The following SEMA4A variants were observed in gnomAD, a reference collection of about 807,000 sequenced individuals.
SEMA4A encodes semaphorin 4A.
A neutral mutation model predicts 72.5 loss-of-function variants in SEMA4A; 52 were observed. The observed-to-expected ratio is 0.72, with a 90% CI of 0.57 to 0.90. The LOEUF (loss-of-function observed/expected upper bound fraction) is 0.90. SEMA4A is among the 40% of genes least tolerant of loss of function. SEMA4A has a pLI of 0.00. For missense variants in SEMA4A, 926 were observed against 959.7 expected (o/e 0.96, Z 0.46); for synonymous variants, 369 against 393.1 (o/e 0.94, Z 0.73).
chr1:156,151,387 G>C (rs1389199587), upstream of SEMA4A, among the ~76,000 whole-genome samples: 4 of 152,338 alleles, frequency 2.6e-5, no homozygotes, highest in East Asian at 7.7e-4. Flanking sequence ...TGGTGTGAGG[G>C]GTGCACTGCT....
Position 156,161,014 on chromosome 1 carries a change from G to A in SEMA4A, c.795G>A (p.Val265=), listed in dbSNP as rs1653560093. Residue 265 remains valine, a synonymous_variant, in exon 8 of 15, where the codon GTG becomes GTA. Coordinates refer to ENST00000368285, the MANE Select transcript of SEMA4A (RefSeq NM_022367.4). The part of the protein sequence containing the change: ...DFFERLHTSR[V]ARVCKNDVGG... Reference sequence around the variant, plus strand: ...TTGAGAGGCTCCACACATCGCGGGTGGCTAGAGTCTGCAAGGTCCGCGGCC... The same window carrying A: ...TTGAGAGGCTCCACACATCGCGGGTAGCTAGAGTCTGCAAGGTCCGCGGCC... 1.9e-6 allele frequency: 3 copies of A among 1,610,662 alleles called. No homozygotes were observed. The highest frequency in any genetic ancestry group is 2.5e-6 in the Non-Finnish European group (3 of 1,178,980).
rs1252248256 is a variant in SEMA4A at position 156,161,026 on chromosome 1, C to A, written c.807C>A (p.Cys269Ter). 1.1e-5 allele frequency: 17 copies of A among 1,609,058 alleles called. No homozygotes were observed. The highest frequency in any genetic ancestry group is 1.4e-5 in the Non-Finnish European group (17 of 1,178,718). ...ACACATCGCGGGTGGCTAGAGTCTGCAAGGTCCGCGGCCTGGGCGGGGGGC... is the reference window on the plus strand; with the variant it reads ...ACACATCGCGGGTGGCTAGAGTCTGAAAGGTCCGCGGCCTGGGCGGGGGGC... The part of the protein sequence containing the change: ...RLHTSRVARV[C>*]KNDVGGEKLL... Residue 269 changes from cysteine (C) to a stop codon, truncating the protein, a stop_gained, in exon 8 of 15, where the codon TGC becomes TGA. Transcript: ENST00000368285. LOFTEE classifies it high-confidence loss of function.
At chr1:156,165,512 A>T (rs1654070895) in intron 10 of SEMA4A, among the ~76,000 whole-genome samples, 1 of 152,158 alleles carries the variant, frequency 6.6e-6, no homozygotes, top group African/African-American at 2.4e-5. Context: ...GGTATACGTA[A>T]TTCTAGAATA....
At chr1:156,173,064 T>C in intron 11 of SEMA4A, 58 bp downstream of exon 11, 2 of 1,537,218 alleles carry the variant, frequency 1.3e-6, no homozygotes, top group South Asian at 1.1e-5. Context: ...TGCCCCCAGG[T>C]TGAGGAGGGA....
intron 10 of SEMA4A, among the ~76,000 whole-genome samples, chr1:156,169,033 C>G (rs139939536): frequency 6.6e-6 from 1 of 152,232 alleles, no homozygotes; most frequent in African/African-American, 2.4e-5. Context: ...GTTTTACTCT[C>G]TCTGGTGGAT....
chr1:156,170,735 C>T (rs2102993668), intron 10 of SEMA4A, among the ~76,000 whole-genome samples: 1 of 142,212 alleles, frequency 7.0e-6, no homozygotes, highest in South Asian at 2.2e-4. Context: ...GCCTGGGAGA[C>T]AGAGTGAGAC....
Position 156,156,523 on chromosome 1 carries a change from C to A in SEMA4A, c.249C>A (p.Ala83=), listed in dbSNP as rs1377891414. 3 of 1,613,930 alleles carry A rather than the reference C, an allele frequency of 1.9e-6. No homozygotes were observed. In the African/African-American group the frequency reaches 4.0e-5, roughly 22 times the overall value. The change falls in exon 3 of 15, where the codon GCC becomes GCA. Residue 83 remains alanine, a synonymous_variant. Transcript: ENST00000368285. The stretch of plus-strand genomic sequence containing the variant: ...CTCTCTACGTGGGGGCTCGAGAAGC[C>A]ATTCTGGCCTTGGATATCCAGGATC... ...GNTLYVGARE[A]ILALDIQDPG... is the part of the protein sequence containing the mutation.
intron 5 of SEMA4A, 62 bp from the exon 6 acceptor site, chr1:156,158,657 C>T (rs756018299): frequency 1.6e-4 from 234 of 1,419,042 alleles, no homozygotes; most frequent in Non-Finnish European, 2.3e-4. Flanking sequence ...CTTCCTCAAG[C>T]CCCTCATTTC....
intron 10 of SEMA4A, among the ~76,000 whole-genome samples, chr1:156,165,284 C>G (rs1052361504): frequency 6.6e-6 from 1 of 152,192 alleles, no homozygotes; most frequent in Non-Finnish European, 1.5e-5. Context: ...CCTGCCTCAT[C>G]ATTCTGGGGA....
upstream of SEMA4A, among the ~76,000 whole-genome samples, chr1:156,151,140 G>T (rs1455005198): frequency 1.3e-5 from 2 of 152,216 alleles, no homozygotes; most frequent in African/African-American, 4.8e-5. Flanking sequence ...CTGTGTGCAG[G>T]ACCTGCTATA....
At position 156,158,021 on chromosome 1, in the gene SEMA4A, T is replaced by C. The variant is rs1572393064; in HGVS notation, c.301-49T>C. 3 of 1,589,450 alleles carry C rather than the reference T, an allele frequency of 1.9e-6. No homozygotes were observed. In the East Asian group the frequency reaches 6.7e-5, roughly 36 times the overall value. On this transcript the variant is annotated intron_variant, in intron 3 of 14. Transcript: ENST00000368285. ...AAGGGAGGCAGGTCACAGCTAGAAC[T>C]GAGGACCTTATTTCTTTTCATCTCG...
At chr1:156,154,468 G>A in intron 1 of SEMA4A, 82 bp from the exon 2 acceptor site, 1 of 1,308,898 alleles carries the variant, frequency 7.6e-7, no homozygotes, top group Non-Finnish European at 1.1e-6. Context: ...CGCTTCTGCT[G>A]CCTGGGGCTC....
At chr1:156,159,155 G>A (rs1000830876) in intron 6 of SEMA4A, 3 of 351,118 alleles carry the variant, frequency 8.5e-6, no homozygotes, top group Non-Finnish European at 1.6e-5. Flanking sequence ...TAAACATGGT[G>A]AAACCCCATC....
At position 156,176,680 on chromosome 1, in the gene SEMA4A, C is replaced by G; in HGVS notation, c.1969C>G (p.Pro657Ala). The G allele has an allele frequency of 1.9e-6, 3 of 1,614,164 alleles. No individual in the cohort carries two copies. Among genetic ancestry groups the G allele is most frequent in the Non-Finnish European group, 2.5e-6 (3 of 1,180,004 alleles). The change falls in exon 15 of 15, where the codon CCC becomes GCC. Residue 657 changes from proline to alanine, a missense_variant. By Grantham distance (27) the Pro-to-Ala change is conservative. Coordinates refer to ENST00000368285, the MANE Select transcript of SEMA4A (RefSeq NM_022367.4). ...LALDPELAGI[P>A]REHVKVPLTR... ...CCTGGATCCTGAACTGGCAGGCATC[C>G]CCCGGGAGCATGTGAAGGTCCCGTT...
At chr1:156,175,019 G>A in intron 12 of SEMA4A, 67 bp from the exon 13 acceptor site, 1 of 1,614,152 alleles carries the variant, frequency 6.2e-7, no homozygotes, top group South Asian at 1.1e-5. Context: ...CCCTGGGCCT[G>A]CACCAGCGTG....
upstream of SEMA4A, among the ~76,000 whole-genome samples, chr1:156,152,154 T>C (rs1484791649): frequency 2.6e-5 from 4 of 152,304 alleles, no homozygotes; most frequent in East Asian, 7.7e-4. Flanking sequence ...TAAAATGGGA[T>C]TATGGCAGTA....
In SEMA4A at chr1:156,158,439, C is replaced by G; in HGVS notation, c.415C>G (p.Leu139Val). ...CCTGGTTTCTTACAATGTCACCCAT[C>G]TCTACACCTGCGGCACCTTCGCCTT... The part of the protein sequence containing the change: ...RVLVSYNVTH[L>V]YTCGTFAFSP... Residue 139 changes from leucine to valine, a missense_variant, in exon 5 of 15, where the codon CTC becomes GTC. By Grantham distance (32) the Leu-to-Val change is conservative (BLOSUM62 1). Coordinates refer to ENST00000368285, the MANE Select transcript of SEMA4A (RefSeq NM_022367.4). The G allele has an allele frequency of 6.2e-7, 1 of 1,613,496 alleles. No individual in the cohort carries two copies. The highest frequency in any genetic ancestry group is 1.1e-5 in the South Asian group (1 of 91,048).
intron 1 of SEMA4A, among the ~76,000 whole-genome samples, chr1:156,154,207 G>A (rs1659286399): frequency 6.6e-6 from 1 of 152,174 alleles, no homozygotes; most frequent in Non-Finnish European, 1.5e-5. Context: ...CTTGGGCTAT[G>A]AGAAGAGGGA....
chr1:156,161,361 G>T lies in SEMA4A; in HGVS notation c.826G>T (p.Glu276Ter). 6.2e-7 allele frequency: 1 copy of T among 1,612,438 alleles called. No individual in the cohort carries two copies. Among genetic ancestry groups the T allele is most frequent in the South Asian group, 1.1e-5 (1 of 91,000 alleles). Residue 276 changes from glutamate (E) to a stop codon, truncating the protein, a stop_gained, in exon 9 of 15, where the codon GAA becomes TAA. Transcript: ENST00000368285. LOFTEE classifies it high-confidence loss of function. Reference sequence around the variant, plus strand: ...GTGCCCCCAGAATGACGTGGGCGGCGAAAAGCTGCTGCAGAAGAAGTGGAC... The same window carrying T: ...GTGCCCCCAGAATGACGTGGGCGGCTAAAAGCTGCTGCAGAAGAAGTGGAC... Reference protein sequence around the residue: ...ARVCKNDVGGEKLLQKKWTTF... With the variant: ...ARVCKNDVGG
Sources: allele counts gnomAD v4.1 joint callset (sites outside exome capture counted in the v4.1 genomes callset), GRCh38; gene constraint gnomAD v4.1.1; transcripts MANE v1.5; gene names NCBI Gene and HGNC (gene_info 2026-07-23, HGNC 2026-07-21).